RDH13: variants seen among roughly 807,000 people sequenced by gnomAD.
RDH13 encodes retinol dehydrogenase 13 (all-trans and 9-cis).
Under a neutral mutation model 28.3 loss-of-function variants are expected in RDH13, and 35 were observed. The observed-to-expected ratio is 1.24, with a 90% CI of 0.95 to 1.64. The LOEUF (loss-of-function observed/expected upper bound fraction) is 1.64, where lower values mean the gene tolerates loss of function less well. Ranked by LOEUF, RDH13 falls within the 40% of genes most tolerant of loss-of-function variation. RDH13 has a pLI of 0.00. For missense variants in RDH13, 514 were observed against 446.3 expected (o/e 1.15, Z -1.37); for synonymous variants, 229 against 198.5 (o/e 1.15, Z -1.29).
intron 6 of RDH13, 144 bp from the exon 7 acceptor site, chr19:55,045,453 G>C: frequency 3.2e-6 from 2 of 624,248 alleles, no homozygotes; most frequent in Non-Finnish European, 5.5e-6. Flanking sequence ...TCCATCTGCA[G>C]TTCCCTTCCC....
At chr19:55,060,417 G>A (rs909210317) in intron 1 of RDH13, among the ~76,000 whole-genome samples, 1 of 152,148 alleles carries the variant, frequency 6.6e-6, no homozygotes, top group Non-Finnish European at 1.5e-5. Flanking sequence ...ACTTAATTAT[G>A]TCATAGATTC....
chr19:55,069,108 G>A, intron 1 of RDH13, among the ~76,000 whole-genome samples: 1 of 143,128 alleles, frequency 7.0e-6, no homozygotes, highest in East Asian at 2.0e-4. Context: ...AGAGACCTGG[G>A]AAGGAGCCAG....
chr19:55,055,185 C>T (rs558249658), intron 3 of RDH13, among the ~76,000 whole-genome samples: 11 of 152,078 alleles, frequency 7.2e-5, no homozygotes, highest in Non-Finnish European at 1.5e-4. Context: ...CAGAGTCTCA[C>T]TCTGTCACCC....
intron 3 of RDH13, among the ~76,000 whole-genome samples, chr19:55,054,391 C>T (rs1026970366): frequency 6.6e-6 from 1 of 151,982 alleles, no homozygotes; most frequent in Non-Finnish European, 1.5e-5. Context: ...GTCAGGAATT[C>T]GAGACCAGCC....
At chr19:55,063,297 C>T, upstream of RDH13, 1 of 384,094 alleles carries the variant, frequency 2.6e-6, no homozygotes, top group Admixed American at 4.6e-5. Context: ...GTGGGCGTGG[C>T]TAGTCCGGGG....
chr19:55,063,777 T>C (rs2075886232), upstream of RDH13: 1 of 153,332 alleles, frequency 6.5e-6, no homozygotes, highest in South Asian at 1.9e-4. Context: ...CTCATCCCCA[T>C]GTCTGGCCCT....
chr19:55,064,224 C>G (rs762565571), upstream of RDH13: 1 of 152,134 alleles, frequency 6.6e-6, no homozygotes, highest in East Asian at 1.9e-4. Context: ...AGATTGATAC[C>G]AGCCTGGCCA....
chr19:55,059,316 T>C lies in RDH13; in HGVS notation c.66-41A>G, dbSNP rs966219598. Reference sequence around the variant, plus strand: ...GGCACGGTCAGTCCTGTGGGCCCACTCTCACCCCACGTGCCCCTGACTGAA... The same window carrying C: ...GGCACGGTCAGTCCTGTGGGCCCACCCTCACCCCACGTGCCCCTGACTGAA... On this transcript the variant is annotated intron_variant, in intron 1 of 6. Transcript: ENST00000415061. 3 of 1,362,900 alleles carry C rather than the reference T, an allele frequency of 2.2e-6. No individual in the cohort carries two copies. The African/African-American group carries it at 4.3e-5, about 20-fold the overall frequency. 84.4% of individuals were successfully genotyped at this position (1,362,900 alleles called of 1,614,324 possible).
chr19:55,047,346 G>A (rs1232524156), intron 6 of RDH13, 41 bp downstream of exon 6: 1 of 1,596,598 alleles, frequency 6.3e-7, no homozygotes, highest in Non-Finnish European at 8.5e-7. Context: ...AGCAGGGGTG[G>A]AGGGCTCCAC....
chr19:55,062,959 T>C lies in RDH13; in HGVS notation c.65+9A>G, dbSNP rs754277833. The C allele has an allele frequency of 1.4e-6, 2 of 1,476,494 alleles. No individual in the cohort carries two copies. Among genetic ancestry groups the C allele is most frequent in the Admixed American group, 2.6e-5 (1 of 38,730 alleles). The allele number at this position is 1,476,494 out of a possible 1,614,324, so 91.5% of individuals were successfully genotyped here. ...CTTGACCGCGCACGCGGGGCTAGAA[T>C]GTACTCACTTGAGCAGCACGGCGGC... is the stretch of plus-strand genomic sequence containing the variant. On this transcript the variant is annotated intron_variant, in intron 1 of 6. Coordinates refer to ENST00000415061, the MANE Select transcript of RDH13 (RefSeq NM_001145971.2).
upstream of RDH13, chr19:55,063,393 T>G: frequency 3.6e-6 from 1 of 280,300 alleles, no homozygotes; most frequent in Non-Finnish European, 6.7e-6. Context: ...TAGGTTCGAA[T>G]CCCACCACTG....
chr19:55,049,592 C>G (rs867122528), intron 3 of RDH13, among the ~76,000 whole-genome samples: 11 of 152,196 alleles, frequency 7.2e-5, no homozygotes, highest in Middle Eastern at 6.8e-3. Flanking sequence ...GAGTTTGAGA[C>G]CAGCCTGGCC....
intron 6 of RDH13, chr19:55,046,649 T>C (rs1035243935): frequency 2.6e-5 from 4 of 151,806 alleles, no homozygotes; most frequent in Non-Finnish European, 4.4e-5. Context: ...TGCCTGGGGG[T>C]GGTGGCTCAC....
chr19:55,063,110 G>C lies in RDH13; in HGVS notation c.-78C>G. ...ACACCAGCCGCCTGGGTAGCTCCGA[G>C]GAAGAGCGCGCGACGCAGCCACAGG... On this transcript the variant is annotated 5_prime_UTR_variant, in exon 1 of 7. Transcript: ENST00000415061. The C allele has an allele frequency of 8.3e-7, 1 of 1,209,404 alleles. No homozygotes were observed. Among genetic ancestry groups the C allele is most frequent in the Non-Finnish European group, 1.1e-6 (1 of 947,320 alleles). 74.9% of individuals were successfully genotyped at this position (1,209,404 alleles called of 1,614,324 possible).
rs1388166170 is a variant in RDH13 at position 55,048,343 on chromosome 19, C to T, written c.644G>A (p.Ser215Asn). Residue 215 changes from serine to asparagine, a missense_variant, in exon 5 of 7, where the codon AGC becomes AAC. Ser to Asn is a conservative substitution (Grantham distance 46). Coordinates refer to ENST00000415061, the MANE Select transcript of RDH13 (RefSeq NM_001145971.2). ...LAIVLFTKELSRRLQGSGVTV... is the reference protein window; with the variant it reads ...LAIVLFTKELNRRLQGSGVTV... Reference sequence around the variant, plus strand: ...CGCCCCCGTACCTTGCAGCCGCCGGCTCAGCTCCTTGGTGAAGAGGACGAT... The same window carrying T: ...CGCCCCCGTACCTTGCAGCCGCCGGTTCAGCTCCTTGGTGAAGAGGACGAT... The T allele has an allele frequency of 1.2e-6, 2 of 1,614,032 alleles. No individual in the cohort carries two copies. The highest frequency in any genetic ancestry group is 1.7e-6 in the Non-Finnish European group (2 of 1,180,054).
intron 2 of RDH13, 54 bp from the exon 3 acceptor site, chr19:55,056,862 G>A: frequency 6.9e-7 from 1 of 1,442,296 alleles, no homozygotes; most frequent in Non-Finnish European, 9.5e-7. Context: ...CCTGGGTACT[G>A]ACCCCAGAGA....
chr19:55,052,833 TTG>T (rs1433177177), intron 3 of RDH13, among the ~76,000 whole-genome samples: 1 of 151,962 alleles, frequency 6.6e-6, no homozygotes, highest in East Asian at 2.0e-4. Flanking sequence ...GCTAATTTTT[TTG>T]TGTTTCTTAG....
chr19:55,042,060 C>G (rs990029963), downstream of RDH13: 1 of 151,334 alleles, frequency 6.6e-6, no homozygotes, highest in South Asian at 2.1e-4. Flanking sequence ...ACCCCCTCAC[C>G]TCTGACTCCC....
chr19:55,052,530 A>G (rs2075480479), intron 3 of RDH13, among the ~76,000 whole-genome samples: 1 of 146,954 alleles, frequency 6.8e-6, no homozygotes. Context: ...CAACAAGAGC[A>G]AAACTCCGTC....
Sources: allele counts gnomAD v4.1 joint callset (sites outside exome capture counted in the v4.1 genomes callset), GRCh38; gene constraint gnomAD v4.1.1; transcripts MANE v1.5; gene names NCBI Gene and HGNC (gene_info 2026-07-23, HGNC 2026-07-21).